TSC22D3: variants seen among roughly 807,000 people sequenced by gnomAD.
TSC22D3 encodes the protein TSC22 domain family protein 3.
TSC22D3 carries 4 observed loss-of-function variants against 11.1 expected under a neutral mutation model. That is an observed-to-expected ratio of 0.36 (90% CI 0.18 to 0.83). TSC22D3 has a LOEUF of 0.83. Among genes scored for constraint, TSC22D3 ranks in the 40% least tolerant of loss-of-function variants. The pLI is 0.48. For missense variants in TSC22D3, 118 were observed against 159.4 expected, an observed-to-expected ratio of 0.74 and a Z score of 1.40; for synonymous variants, 77 against 70.3, an observed-to-expected ratio of 1.10 and a Z score of -0.48.
intron 1 of TSC22D3, among the ~76,000 whole-genome samples, chrX:107,720,625 G>A (rs777990040): frequency 4.5e-5 from 5 of 111,521 alleles, no homozygotes; most frequent in East Asian, 2.8e-4. Flanking sequence ...CCCGCGAGGC[G>A]GAGGTTGCAG....
intron 1 of TSC22D3, among the ~76,000 whole-genome samples, chrX:107,752,746 G>T (rs1928989543): frequency 9.0e-6 from 1 of 111,493 alleles, no homozygotes; most frequent in Admixed American, 9.5e-5. Context: ...GCCCAGTTTA[G>T]ATTCCCCACG....
At chrX:107,735,342 G>A (rs989869129) in intron 1 of TSC22D3, among the ~76,000 whole-genome samples, 4 of 111,769 alleles carry the variant, frequency 3.6e-5, no homozygotes, top group Non-Finnish European at 5.6e-5. Flanking sequence ...CCCTCTCAGG[G>A]CCTTGGTTTC....
At chrX:107,739,474 C>A (rs962632809) in intron 1 of TSC22D3, among the ~76,000 whole-genome samples, 3 of 112,359 alleles carry the variant, frequency 2.7e-5, no homozygotes, top group Non-Finnish European at 5.6e-5. Context: ...CTGGCCTGGT[C>A]CTTCCAGATA....
At chrX:107,733,854 C>T (rs1212568478) in intron 1 of TSC22D3, among the ~76,000 whole-genome samples, 2 of 111,825 alleles carry the variant, frequency 1.8e-5, no homozygotes, top group African/African-American at 6.5e-5. Flanking sequence ...TGCTTTGGGG[C>T]CCCTGAAATC....
intron 1 of TSC22D3, among the ~76,000 whole-genome samples, chrX:107,768,852 A>G (rs1022789789): frequency 6.2e-5 from 7 of 112,923 alleles, no homozygotes; most frequent in African/African-American, 1.9e-4. Flanking sequence ...CATGAGAGAT[A>G]CACACTAAAA....
chrX:107,738,170 T>C (rs1928231380), intron 1 of TSC22D3, among the ~76,000 whole-genome samples: 2 of 112,526 alleles, frequency 1.8e-5, no homozygotes, highest in Admixed American at 1.9e-4. Context: ...ACAGGCATTT[T>C]GGGAGAAGCA....
chrX:107,765,384 G>T (rs1929612880), intron 1 of TSC22D3, among the ~76,000 whole-genome samples: 1 of 111,885 alleles, frequency 8.9e-6, no homozygotes, highest in Non-Finnish European at 1.9e-5. Flanking sequence ...ACTGGCCTTG[G>T]GTGCAGCTGC....
intron 1 of TSC22D3, among the ~76,000 whole-genome samples, chrX:107,721,682 G>A (rs1927336281): frequency 8.9e-6 from 1 of 111,843 alleles, no homozygotes. Flanking sequence ...CGAGAGGTGC[G>A]GGAGAAGCCA....
chrX:107,726,525 A>G (rs952389366), intron 1 of TSC22D3, among the ~76,000 whole-genome samples: 1 of 112,980 alleles, frequency 8.9e-6, no homozygotes, highest in Non-Finnish European at 1.9e-5. Context: ...GGCATTATGA[A>G]TGTTAAGCAC....
At chrX:107,769,468 A>AG (rs1929804150) in intron 1 of TSC22D3, among the ~76,000 whole-genome samples, 1 of 111,448 alleles carries the variant, frequency 9.0e-6, no homozygotes, top group South Asian at 3.8e-4. Flanking sequence ...AGAGGTTACC[A>AG]GGGGGTAGTG....
intron 2 of TSC22D3, 134 bp downstream of exon 2, chrX:107,715,765 C>T (rs781774086): frequency 3.9e-5 from 29 of 745,238 alleles, no homozygotes; most frequent in Admixed American, 9.3e-5. Flanking sequence ...ACCTCCAGTG[C>T]GGATAGGAGG....
chrX:107,721,956 G>T (rs1446835148), intron 1 of TSC22D3: 1 of 481,325 alleles, frequency 2.1e-6, no homozygotes, highest in Non-Finnish European at 3.8e-6. Flanking sequence ...TTCCCTTCTG[G>T]TTCCACTCCA....
intron 2 of TSC22D3, 40 bp from the exon 3 acceptor site, chrX:107,714,789 A>G: frequency 8.6e-7 from 1 of 1,161,189 alleles, no homozygotes; most frequent in Non-Finnish European, 1.2e-6. Flanking sequence ...TTCCTTAGCC[A>G]TCGTGGCCCC....
intron 1 of TSC22D3, among the ~76,000 whole-genome samples, chrX:107,768,512 G>A (rs183500191): frequency 1.9e-3 from 218 of 112,491 alleles, no homozygotes; most frequent in African/African-American, 6.6e-3. Context: ...TCCACTCCTG[G>A]CAAAAACTGA....
intron 1 of TSC22D3, among the ~76,000 whole-genome samples, chrX:107,774,679 A>G (rs925603508): frequency 8.9e-6 from 1 of 111,798 alleles, no homozygotes; most frequent in African/African-American, 3.3e-5. Flanking sequence ...AGTAATTTTA[A>G]AGCCCTTGTA....
Position 107,763,560 on chromosome X carries a change from C to T in TSC22D3, c.320+11540G>A, listed in dbSNP as rs138649392. 9.4e-3 allele frequency among the ~76,000 whole-genome samples: 1,049 copies of T among 111,459 alleles called. 17 individuals carry two copies. The highest frequency in any genetic ancestry group is 0.032 in the African/African-American group (992 of 30,628). On this transcript the variant is annotated intron_variant, in intron 1 of 2. Coordinates refer to ENST00000372383, the MANE Select transcript of TSC22D3 (RefSeq NM_198057.3). ...AGCCTGGACAAATATCTGATATTTG[C>T]AGCCCAGAAAATTTACACCTTGGGC... is the stretch of plus-strand genomic sequence containing the variant.
intron 1 of TSC22D3, among the ~76,000 whole-genome samples, chrX:107,721,111 T>C (rs1392453569): frequency 2.7e-5 from 3 of 111,981 alleles, no homozygotes; most frequent in Non-Finnish European, 5.6e-5. Flanking sequence ...GGCCCTTTGC[T>C]GGCTCTCAGC....
chrX:107,751,461 G>A (rs770302489), intron 1 of TSC22D3, among the ~76,000 whole-genome samples: 6 of 112,170 alleles, frequency 5.3e-5, no homozygotes, highest in Non-Finnish European at 9.4e-5. Context: ...CAGACCATTC[G>A]GAAGGACTGT....
chrX:107,715,662 A>C, intron 2 of TSC22D3: 1 of 450,420 alleles, frequency 2.2e-6, no homozygotes, highest in South Asian at 3.0e-5. Context: ...AGCCTGCGGC[A>C]AAGACCTGAG....
Sources: gnomAD v4.1 joint callset for allele counts (sites outside exome capture counted in the v4.1 genomes callset) on GRCh38, gnomAD v4.1.1 for gene constraint, MANE v1.5 for transcripts, NCBI Gene and HGNC (gene_info 2026-07-23, HGNC 2026-07-21) for gene names.